Variants in ING3 observed in about 807,000 individuals in gnomAD.
ING3 encodes inhibitor of growth protein 3.
Under a neutral mutation model 64.8 loss-of-function variants are expected in ING3, and 6 were observed. The ratio of observed to expected loss-of-function variants is 0.09; its 90% confidence interval spans 0.05 to 0.18. The LOEUF (loss-of-function observed/expected upper bound fraction) is 0.18. Among genes scored for constraint, ING3 ranks in the 10% least tolerant of loss-of-function variants. The pLI, the probability that ING3 is intolerant of heterozygous loss-of-function variation, is 1.00. For missense variants in ING3, 310 were observed against 489.7 expected (o/e 0.63, Z 3.46); for synonymous variants, 170 against 173.7 (o/e 0.98, Z 0.17).
At chr7:120,956,832 A>G (rs1795855391) in intron 4 of ING3, 4 of 969,526 alleles carry the variant, frequency 4.1e-6, no homozygotes, top group Non-Finnish European at 4.9e-6. Context: ...CCTTATTTAG[A>G]GACTGCCTGC....
intron 9 of ING3, among the ~76,000 whole-genome samples, chr7:120,969,629 T>C (rs546065563): frequency 2.0e-5 from 3 of 152,280 alleles, no homozygotes; most frequent in South Asian, 4.1e-4. Flanking sequence ...GTCTTCATTC[T>C]TAGTCTTGGG....
Position 120,953,300 on chromosome 7 carries a change from A to T in ING3, c.101-4A>T. The T allele has an allele frequency of 6.4e-7, 1 of 1,551,806 alleles. No individual in the cohort carries two copies. The highest frequency in any genetic ancestry group is 1.2e-5 in the South Asian group (1 of 84,532). On this transcript the variant is annotated splice_region_variant and splice_polypyrimidine_tract_variant and intron_variant, in intron 2 of 11. Coordinates refer to ENST00000315870, the MANE Select transcript of ING3 (RefSeq NM_019071.3). ...TAATATGAATTTTTTTTATTATGTC[A>T]TAGATGCAATGGATCAACTAGAACA...
chr7:120,965,749 T>C (rs1795989258), intron 5 of ING3, among the ~76,000 whole-genome samples: 1 of 152,188 alleles, frequency 6.6e-6, no homozygotes, highest in South Asian at 2.1e-4. Context: ...TTGGTATCCA[T>C]AGTTGCATTT....
At position 120,968,041 on chromosome 7, in the gene ING3, G is replaced by A. The variant is rs144315352; in HGVS notation, c.664G>A (p.Ala222Thr). The change falls in exon 8 of 12, where the codon GCA (alanine) becomes ACA (threonine). Residue 222 changes from alanine (A) to threonine (T), a missense_variant. Around this residue, in one of 3 missense-constraint regions of ING3, gnomAD observed 233 missense variants for 289.4 expected, o/e 0.81. Coordinates refer to ENST00000315870, the MANE Select transcript of ING3 (RefSeq NM_019071.3). ...NIGSLSSGTG[A>T]GAITMAAAQA... ...TGGCTCGTTATCTTCAGGAACTGGTGCAGGGGCAATTACCATGGCAGCTGC... is the reference window on the plus strand; with the variant it reads ...TGGCTCGTTATCTTCAGGAACTGGTACAGGGGCAATTACCATGGCAGCTGC... The A allele has an allele frequency of 1.2e-6, 2 of 1,613,996 alleles. No individual in the cohort carries two copies. The highest frequency in any genetic ancestry group is 1.7e-6 in the Non-Finnish European group (2 of 1,180,016).
At chr7:120,952,918 ACTTTTT>A (rs1284167078) in intron 2 of ING3, among the ~76,000 whole-genome samples, 2 of 152,044 alleles carry the variant, frequency 1.3e-5, no homozygotes, top group Admixed American at 6.5e-5. Flanking sequence ...TATTTTTATC[ACTTTTT>A]CTTGTTAAAA....
At chr7:120,951,008 A>C in intron 1 of ING3, 84 bp downstream of exon 1, 9 of 619,458 alleles carry the variant, frequency 1.5e-5, no homozygotes, top group Non-Finnish European at 2.3e-5. Flanking sequence ...AGATGGCGGG[A>C]GGGAGGGGGC....
chr7:120,974,703 T>A (rs1233576367), intron 11 of ING3, 25 bp from the exon 12 acceptor site: 1 of 1,460,478 alleles, frequency 6.8e-7, no homozygotes, highest in South Asian at 1.1e-5. Flanking sequence ...ACTGAAAACT[T>A]GTTTTTTGCA....
intron 1 of ING3, 27 bp from the exon 2 acceptor site, chr7:120,951,137 C>G: frequency 6.2e-7 from 1 of 1,612,544 alleles, no homozygotes; most frequent in Non-Finnish European, 8.5e-7. Flanking sequence ...TTGGCCCCGC[C>G]CCTCTGACGG....
intron 4 of ING3, among the ~76,000 whole-genome samples, chr7:120,959,270 C>T (rs886521562): frequency 4.6e-5 from 7 of 152,210 alleles, no homozygotes; most frequent in Non-Finnish European, 4.4e-5. Context: ...AATTCCACAG[C>T]GTAAAGACCT....
At chr7:120,954,777 A>G (rs1179472018) in intron 3 of ING3, among the ~76,000 whole-genome samples, 1 of 152,316 alleles carries the variant, frequency 6.6e-6, no homozygotes, top group East Asian at 1.9e-4. Flanking sequence ...AAGTTGAGGC[A>G]AAATCTAAAA....
chr7:120,953,321 G>A lies in ING3; in HGVS notation c.118G>A (p.Glu40Lys). The A allele has an allele frequency of 1.3e-6, 2 of 1,599,222 alleles. No individual in the cohort carries two copies. The highest frequency in any genetic ancestry group is 1.7e-6 in the Non-Finnish European group (2 of 1,172,466). ...TGTCATAGATGCAATGGATCAACTA[G>A]AACAAAGAGTCAGTGAATTCTTTAT... Reference protein sequence around the residue: ...LQVQNAMDQLEQRVSEFFMNA... With the variant: ...LQVQNAMDQLKQRVSEFFMNA... Residue 40 changes from glutamate to lysine, a missense_variant, in exon 3 of 12, where the codon GAA becomes AAA. By Grantham distance (56) the Glu-to-Lys change is moderately conservative. Transcript: ENST00000315870.
At chr7:120,961,158 TAGAC>T (rs1031274238) in intron 4 of ING3, among the ~76,000 whole-genome samples, 8 of 152,346 alleles carry the variant, frequency 5.3e-5, no homozygotes, top group African/African-American at 1.9e-4. Flanking sequence ...GGAAGATGAT[TAGAC>T]AGAGTTATAT....
intron 6 of ING3, 46 bp downstream of exon 6, chr7:120,966,743 T>C: frequency 7.9e-7 from 1 of 1,272,322 alleles, no homozygotes; most frequent in Non-Finnish European, 1.2e-6. Context: ...AATGAAAACC[T>C]TATTATATCA....
chr7:120,960,480 T>C (rs73721492), intron 4 of ING3, among the ~76,000 whole-genome samples: 2,339 of 152,340 alleles, frequency 0.015, 61 homozygotes, highest in African/African-American at 0.053. Flanking sequence ...TTACAGAATT[T>C]ATGGTACATC....
At chr7:120,958,814 G>A (rs763006495) in intron 4 of ING3, among the ~76,000 whole-genome samples, 4 of 152,200 alleles carry the variant, frequency 2.6e-5, no homozygotes, top group East Asian at 1.9e-4. Flanking sequence ...AAATCGTGTC[G>A]TGACCGTGAC....
intron 3 of ING3, 83 bp from the exon 4 acceptor site, chr7:120,955,476 T>G: frequency 1.1e-6 from 1 of 895,234 alleles, no homozygotes; most frequent in South Asian, 1.6e-5. Flanking sequence ...CAAGATATGA[T>G]AATGAAAATG....
At chr7:120,950,965 C>T in intron 1 of ING3, 41 bp downstream of exon 1, 2 of 1,420,068 alleles carry the variant, frequency 1.4e-6, no homozygotes, top group Non-Finnish European at 9.5e-7. Context: ...GTGGGACGTG[C>T]GGGCGGGCAA....
chr7:120,973,587 CAATT>C (rs1442051602), intron 11 of ING3, among the ~76,000 whole-genome samples: 2 of 152,026 alleles, frequency 1.3e-5, no homozygotes, highest in African/African-American at 4.8e-5. Flanking sequence ...AATTTTAAAA[CAATT>C]CATTCTTTCA....
chr7:120,959,677 A>T (rs1795904097), intron 4 of ING3, among the ~76,000 whole-genome samples: 3 of 104,632 alleles, frequency 2.9e-5, no homozygotes, highest in Admixed American at 3.2e-4. Context: ...ACGGAGTCTC[A>T]CTCTTTCGCC....
Sources: allele counts gnomAD v4.1 joint callset (sites outside exome capture counted in the v4.1 genomes callset), GRCh38; gene constraint gnomAD v4.1.1; regional missense constraint gnomAD v4.1.1; transcripts MANE v1.5; gene names NCBI Gene and HGNC (gene_info 2026-07-23, HGNC 2026-07-21).